Variants in LARGE1 observed in about 807,000 individuals in gnomAD.
LARGE1 encodes xylosyl- and glucuronyltransferase LARGE1.
A neutral mutation model predicts 87.6 loss-of-function variants in LARGE1; 43 were observed. The ratio of observed to expected loss-of-function variants is 0.49; its 90% CI spans 0.38 to 0.63. The LOEUF is 0.63. Among genes scored for constraint, LARGE1 ranks in the 30% least tolerant of loss-of-function variants. LARGE1 has a pLI of 0.00. For synonymous variants in LARGE1, 434 were observed against 394.6 expected, an observed-to-expected ratio of 1.10 and a Z score of -1.18; for missense variants, 802 against 1,000.2, an observed-to-expected ratio of 0.80 and a Z score of 2.67.
At chr22:33,379,276 T>TAA (rs1555907148) in intron 9 of LARGE1, among the ~76,000 whole-genome samples, 6 of 149,984 alleles carry the variant, frequency 4.0e-5, no homozygotes, top group African/African-American at 1.5e-4. Flanking sequence ...TTTTTTTTTT[T>TAA]ATTATACTTT....
intron 7 of LARGE1, among the ~76,000 whole-genome samples, chr22:33,412,400 C>G (rs1339723602): frequency 2.0e-5 from 3 of 152,024 alleles, no homozygotes; most frequent in Non-Finnish European, 4.4e-5. Context: ...TTTCCCATTT[C>G]CAGGTTGCAA....
intron 6 of LARGE1, among the ~76,000 whole-genome samples, chr22:33,446,728 C>A (rs760020322): frequency 6.6e-6 from 1 of 152,072 alleles, no homozygotes; most frequent in Non-Finnish European, 1.5e-5. Context: ...GATTTCTCCA[C>A]GAAGGACAAG....
At chr22:33,503,439 C>A (rs753331857) in intron 6 of LARGE1, among the ~76,000 whole-genome samples, 39 of 151,498 alleles carry the variant, frequency 2.6e-4, no homozygotes, top group Non-Finnish European at 5.0e-4. Context: ...CACAGAGTTA[C>A]CATATGACCA....
chr22:33,719,496 CATAT>C (rs1312997937), intron 2 of LARGE1, among the ~76,000 whole-genome samples: 46 of 130,764 alleles, frequency 3.5e-4, no homozygotes, highest in East Asian at 3.4e-3. Context: ...CCATCTATAC[CATAT>C]TTATTTATTT....
At chr22:33,553,647 A>G (rs543757868) in intron 6 of LARGE1, among the ~76,000 whole-genome samples, 2 of 152,318 alleles carry the variant, frequency 1.3e-5, no homozygotes, top group South Asian at 4.1e-4. Flanking sequence ...CCTCACGCCA[A>G]TACCCCATGG....
chr22:33,374,457 A>G (rs1243597007), intron 9 of LARGE1, among the ~76,000 whole-genome samples: 1 of 152,214 alleles, frequency 6.6e-6, no homozygotes, highest in East Asian at 1.9e-4. Flanking sequence ...AAGTTTCTCT[A>G]TCGTCTTTTG....
At chr22:33,344,522 T>C (rs1267597801) in intron 9 of LARGE1, among the ~76,000 whole-genome samples, 2 of 152,132 alleles carry the variant, frequency 1.3e-5, no homozygotes, top group African/African-American at 2.4e-5. Flanking sequence ...GAAAGTGACT[T>C]ACCGAGAGTC....
chr22:33,298,144 C>A (rs1468016918), intron 12 of LARGE1, among the ~76,000 whole-genome samples: 2 of 152,144 alleles, frequency 1.3e-5, no homozygotes, highest in Non-Finnish European at 2.9e-5. Context: ...CATTTAGAGA[C>A]CTTCAGTGTG....
At chr22:33,275,551 C>T (rs1417069290) in intron 14 of LARGE1, among the ~76,000 whole-genome samples, 1 of 152,058 alleles carries the variant, frequency 6.6e-6, no homozygotes, top group East Asian at 1.9e-4. Context: ...GCAAGATCTC[C>T]CAGAGCTGAA....
At chr22:33,493,631 C>G (rs571254096) in intron 6 of LARGE1, among the ~76,000 whole-genome samples, 1 of 152,238 alleles carries the variant, frequency 6.6e-6, no homozygotes, top group Non-Finnish European at 1.5e-5. Flanking sequence ...CAGCAGCAAC[C>G]CTATGAAGTA....
intron 1 of LARGE1, among the ~76,000 whole-genome samples, chr22:33,905,701 A>G (rs186920465): frequency 6.6e-6 from 1 of 152,298 alleles, no homozygotes; most frequent in Admixed American, 6.5e-5. Flanking sequence ...ACCATGTGGC[A>G]TTGCTGTGAT....
chr22:33,219,445 C>T (rs112942077), intron 11 of LARGE1, among the ~76,000 whole-genome samples: 9 of 152,288 alleles, frequency 5.9e-5, no homozygotes, highest in African/African-American at 2.2e-4. Context: ...TAACAATCTT[C>T]CCAGGAGAAC....
At chr22:33,143,472 A>G in the LARGE1 span, among the ~76,000 whole-genome samples, 1 of 152,184 alleles carries the variant, frequency 6.6e-6, no homozygotes. Flanking sequence ...AAGAGCTTCA[A>G]TGCCCAGAGA....
intron 3 of LARGE1, among the ~76,000 whole-genome samples, chr22:33,644,803 C>T (rs1007413958): frequency 1.3e-5 from 2 of 152,136 alleles, no homozygotes; most frequent in African/African-American, 2.4e-5. Context: ...AGTGAACTCC[C>T]ATTCACAATT....
In LARGE1 at chr22:33,658,719, G is replaced by T. The variant is rs115087304; in HGVS notation, c.107-8051C>A. 7.5e-3 allele frequency among the ~76,000 whole-genome samples: 1,135 copies of T among 152,128 alleles called. 17 individuals are homozygous for T. Among genetic ancestry groups the T allele is most frequent in the African/African-American group, 0.026 (1,083 of 41,494 alleles). On this transcript the variant is annotated intron_variant, in intron 2 of 14. Coordinates refer to ENST00000397394, the MANE Select transcript of LARGE1 (RefSeq NM_133642.5). ...GGCATCTGGGTTGATTCCAGTCTTT[G>T]CTATTGGGAATAGTGCTGCAATAAA...
intron 6 of LARGE1, among the ~76,000 whole-genome samples, chr22:33,531,301 G>A (rs150090595): frequency 0.029 from 4,355 of 152,202 alleles, 87 homozygotes; most frequent in South Asian, 0.076. Flanking sequence ...GGGATTACAG[G>A]TGCCCGCCAC....
At chr22:33,751,239 G>C in intron 2 of LARGE1, among the ~76,000 whole-genome samples, 1 of 152,162 alleles carries the variant, frequency 6.6e-6, no homozygotes, top group South Asian at 2.1e-4. Flanking sequence ...CTGGCACTTT[G>C]GGAGGCCGAG....
intron 1 of LARGE1, among the ~76,000 whole-genome samples, chr22:33,903,584 T>A (rs1601884506): frequency 6.6e-6 from 1 of 152,102 alleles, no homozygotes; most frequent in South Asian, 2.1e-4. Flanking sequence ...CTCAGCACTT[T>A]GGGAGGCCAA....
chr22:33,283,553 T>C (rs1204139083), intron 12 of LARGE1, among the ~76,000 whole-genome samples: 1 of 152,070 alleles, frequency 6.6e-6, no homozygotes, highest in Non-Finnish European at 1.5e-5. Flanking sequence ...GGCAGGAGGA[T>C]CACTTGAGTT....
Sources: allele counts gnomAD v4.1 joint callset (sites outside exome capture counted in the v4.1 genomes callset), GRCh38; gene constraint gnomAD v4.1.1; transcripts MANE v1.5; gene names NCBI Gene and HGNC (gene_info 2026-07-23, HGNC 2026-07-21).